DNAH1: variants seen among roughly 807,000 people sequenced by gnomAD.
DNAH1 encodes axonemal beta dynein heavy chain 1.
In DNAH1, 327 loss-of-function variants were observed where a neutral mutation model predicts 484.3. The observed-to-expected ratio is 0.68, with a 90% CI of 0.62 to 0.74. The LOEUF (loss-of-function observed/expected upper bound fraction) is 0.74. Ranked by LOEUF, DNAH1 falls within the 30% of genes least tolerant of loss-of-function variation. The pLI is 0.00. For synonymous variants in DNAH1, 2,192 were observed against 2,191.9 expected, an observed-to-expected ratio of 1.00 and a Z score of 0.00; for missense variants, 5,052 against 5,546.8, an observed-to-expected ratio of 0.91 and a Z score of 2.83.
upstream of DNAH1, among the ~76,000 whole-genome samples, chr3:52,314,655 C>CT (rs1700892226): frequency 6.6e-6 from 1 of 152,232 alleles, no homozygotes; most frequent in African/African-American, 2.4e-5. Flanking sequence ...GGAGAAACAG[C>CT]AGTGACCATC....
At chr3:52,334,039 A>G (rs1701649839) in intron 8 of DNAH1, among the ~76,000 whole-genome samples, 1 of 152,210 alleles carries the variant, frequency 6.6e-6, no homozygotes, top group Non-Finnish European at 1.5e-5. Flanking sequence ...ACTTAATGAT[A>G]GGGACATGTT....
At chr3:52,371,379 C>G (rs1453643375) in intron 41 of DNAH1, among the ~76,000 whole-genome samples, 2 of 152,226 alleles carry the variant, frequency 1.3e-5, no homozygotes, top group Non-Finnish European at 2.9e-5. Context: ...TTGGGTCTAA[C>G]GTTTAAGACT....
intron 8 of DNAH1, among the ~76,000 whole-genome samples, chr3:52,337,842 A>G (rs1398090945): frequency 6.6e-6 from 1 of 152,194 alleles, no homozygotes; most frequent in Non-Finnish European, 1.5e-5. Context: ...CCCACGCCAC[A>G]GTGCAGTAGC....
At chr3:52,386,111 G>T (rs538348168) in intron 54 of DNAH1, 49 bp from the exon 55 acceptor site, 3 of 1,560,716 alleles carry the variant, frequency 1.9e-6, no homozygotes, top group Non-Finnish European at 2.6e-6. Flanking sequence ...AGACTAAGAT[G>T]CAGAGAAGAG....
rs568686978 is a variant in DNAH1 at position 52,376,001 on chromosome 3, T to C, written c.7198+8T>C. The C allele has an allele frequency of 1.2e-6, 2 of 1,611,046 alleles. No homozygotes were observed. The highest frequency in any genetic ancestry group is 2.2e-5 in the South Asian group (2 of 90,566). ...GCTACCGGGAGCGTGTGCGTAAGTG[T>C]GGGCCTGGGCGGGAATGGGGCACTG... On this transcript the variant is annotated splice_region_variant and intron_variant, in intron 46 of 77. Coordinates refer to ENST00000420323, the MANE Select transcript of DNAH1 (RefSeq NM_015512.5).
At position 52,348,948 on chromosome 3, in the gene DNAH1, G is replaced by T; in HGVS notation, c.2167G>T (p.Glu723Ter). The T allele has an allele frequency of 6.2e-7, 1 of 1,613,500 alleles. No individual in the cohort carries two copies. The change falls in exon 13 of 78, where the codon GAG (glutamate) becomes TAG (stop). Residue 723 changes from glutamate to a stop codon, truncating the protein, a stop_gained. Transcript: ENST00000420323. LOFTEE classifies it high-confidence loss of function. ...CCTGCTGGAGTCCGTGGGCCTTCATGAGCCACTGGTGGAAGAGCTACGGGC... is the reference window on the plus strand; with the variant it reads ...CCTGCTGGAGTCCGTGGGCCTTCATTAGCCACTGGTGGAAGAGCTACGGGC... ...DPLLESVGLH[E>*]PLVEELRATI...
At chr3:52,328,322 A>G (rs941568763) in intron 6 of DNAH1, among the ~76,000 whole-genome samples, 2 of 152,108 alleles carry the variant, frequency 1.3e-5, no homozygotes, top group Non-Finnish European at 2.9e-5. Flanking sequence ...GAGGGGCACA[A>G]TTCCACTCTC....
chr3:52,399,917 G>A (rs956929333), intron 77 of DNAH1, 138 bp downstream of exon 77: 5 of 890,898 alleles, frequency 5.6e-6, no homozygotes, highest in Non-Finnish European at 8.5e-6. Flanking sequence ...CAAGCAGCAG[G>A]CAGGTTAATG....
Position 52,363,133 on chromosome 3 carries a change from C to T in DNAH1, c.5233C>T (p.Leu1745Phe). ...CACCTTCAAGCTGTCTTCTGAGCAG[C>T]TCAGCTCCCAGGTGTGGTCCTGCCC... is the stretch of plus-strand genomic sequence containing the variant. ...TTTFKLSSEQ[L>F]SSQDHYDFGM... is the part of the protein sequence containing the mutation. Residue 1745 changes from leucine to phenylalanine, a missense_variant, in exon 32 of 78, where the codon CTC becomes TTC. Transcript: ENST00000420323. 1 of 1,613,936 alleles carries T rather than the reference C, an allele frequency of 6.2e-7. No individual in the cohort carries two copies. Among genetic ancestry groups the T allele is most frequent in the Non-Finnish European group, 8.5e-7 (1 of 1,179,840 alleles).
intron 23 of DNAH1, 51 bp from the exon 24 acceptor site, chr3:52,357,847 G>A (rs942432841): frequency 1.6e-5 from 25 of 1,590,442 alleles, no homozygotes; most frequent in Admixed American, 7.0e-5. Flanking sequence ...GGGGCAGCTG[G>A]GGCCCAGGGA....
intron 48 of DNAH1, 32 bp downstream of exon 48, chr3:52,380,167 G>A (rs1559552743): frequency 2.6e-6 from 4 of 1,545,228 alleles, no homozygotes; most frequent in Non-Finnish European, 3.5e-6. Context: ...CCTGCCCCTG[G>A]TGGGGTCCTC....
chr3:52,314,600 C>T (rs567264894), upstream of DNAH1, among the ~76,000 whole-genome samples: 3 of 152,304 alleles, frequency 2.0e-5, no homozygotes, highest in Admixed American at 2.0e-4. Context: ...TGTGCCTCTG[C>T]CCCAGCACCC....
At position 52,374,142 on chromosome 3, in the gene DNAH1, G is replaced by C. The variant is rs545307849; in HGVS notation, c.6985+1089G>C. 6.6e-4 allele frequency: 805 copies of C among 1,221,252 alleles called. 14 individuals are homozygous for C. In the South Asian group the frequency reaches 9.5e-3, roughly 14 times the overall value. The allele number at this position is 1,221,252 out of a possible 1,614,324, so 75.7% of individuals were successfully genotyped here. On this transcript the variant is annotated intron_variant, in intron 44 of 77. Coordinates refer to ENST00000420323, the MANE Select transcript of DNAH1 (RefSeq NM_015512.5). The stretch of plus-strand genomic sequence containing the variant: ...CACAGAATCTATGGGAAATTCCTAG[G>C]CTTGAGAGCTTACATCAGAAAACAG...
Position 52,386,167 on chromosome 3 carries a change from C to T in DNAH1, c.8633C>T (p.Thr2878Met), listed in dbSNP as rs781146284. Residue 2878 changes from threonine to methionine, a missense_variant, in exon 55 of 78, where the codon ACG becomes ATG. Coordinates refer to ENST00000420323, the MANE Select transcript of DNAH1 (RefSeq NM_015512.5). ...MLTMEQIKVD[T>M]AIAEETRNSV... ...TATGTCTCCCATCCCCAGGTGGATA[C>T]GGCCATCGCCGAGGAGACCCGGAAT... 2.5e-5 allele frequency: 41 copies of T among 1,611,644 alleles called. No homozygotes were observed. Among genetic ancestry groups the T allele is most frequent in the Middle Eastern group, 1.6e-4 (1 of 6,074 alleles).
rs760308265 is a variant in DNAH1, at chr3:52,388,729, G to T, written c.9364-77G>T. ...CACACCCCCTCCCTGGCAACCCCAGGTGCCACAGTGGGTAGGGCCAGCCCC... is the reference window on the plus strand; with the variant it reads ...CACACCCCCTCCCTGGCAACCCCAGTTGCCACAGTGGGTAGGGCCAGCCCC... On this transcript the variant is annotated intron_variant, in intron 58 of 77. Transcript: ENST00000420323. 4 of 1,605,076 alleles carry T rather than the reference G, an allele frequency of 2.5e-6. No individual in the cohort carries two copies. The African/African-American group carries it at 5.3e-5, about 21-fold the overall frequency.
At chr3:52,341,309 A>G (rs1701930409) in intron 8 of DNAH1, among the ~76,000 whole-genome samples, 1 of 152,200 alleles carries the variant, frequency 6.6e-6, no homozygotes, top group Admixed American at 6.5e-5. Flanking sequence ...GTTCCGTAGA[A>G]GCAGACCCTG....
intron 46 of DNAH1, among the ~76,000 whole-genome samples, chr3:52,377,474 G>C (rs1218155486): frequency 6.6e-6 from 1 of 151,752 alleles, no homozygotes; most frequent in African/African-American, 2.4e-5. Flanking sequence ...CTTCCGCTTG[G>C]GGCCACAGGG....
intron 9 of DNAH1, 142 bp from the exon 10 acceptor site, chr3:52,345,353 A>T: frequency 1.4e-6 from 1 of 693,054 alleles, no homozygotes; most frequent in Non-Finnish European, 2.5e-6. Context: ...AACTATGGAA[A>T]GGCGGGGCTC....
In DNAH1 at chr3:52,331,198, C is replaced by T. The variant is rs913212438; in HGVS notation, c.922C>T (p.Leu308=). The T allele has an allele frequency of 1.2e-6, 2 of 1,607,874 alleles. No homozygotes were observed. Among genetic ancestry groups the T allele is most frequent in the Non-Finnish European group, 1.7e-6 (2 of 1,177,168 alleles). ...GTACAAATGGTGCGAGGTCGGCGTC[C>T]TGGACTACGACGAGGAGAAGAAGCT... ...LKYKWCEVGV[L]DYDEEKKLYL... The change falls in exon 7 of 78, where the codon CTG becomes TTG. Residue 308 remains leucine (L), a synonymous_variant. Coordinates refer to ENST00000420323, the MANE Select transcript of DNAH1 (RefSeq NM_015512.5).
Sources: gnomAD v4.1 joint callset for allele counts (sites outside exome capture counted in the v4.1 genomes callset) on GRCh38, gnomAD v4.1.1 for gene constraint, MANE v1.5 for transcripts, NCBI Gene and HGNC (gene_info 2026-07-23, HGNC 2026-07-21) for gene names.